KDM6A: variants seen among roughly 807,000 people sequenced by gnomAD.
The protein encoded by KDM6A is lysine demethylase 6A.
KDM6A carries 11 observed loss-of-function variants against 117.6 expected under a neutral mutation model. The ratio of observed to expected loss-of-function variants is 0.09; its 90% CI spans 0.06 to 0.15. The LOEUF (loss-of-function observed/expected upper bound fraction) is 0.15, where lower values mean the gene tolerates loss of function less well. Among genes scored for constraint, KDM6A ranks in the 10% least tolerant of loss-of-function variants. The pLI, the probability that KDM6A is intolerant of heterozygous loss-of-function variation, is 1.00. For missense variants in KDM6A, 799 were observed against 1,077.3 expected (o/e 0.74, Z 3.62); for synonymous variants, 384 against 396.1 (o/e 0.97, Z 0.36).
At chrX:45,062,040 C>T (rs925250999) in intron 15 of KDM6A, among the ~76,000 whole-genome samples, 5 of 110,150 alleles carry the variant, frequency 4.5e-5, no homozygotes, top group African/African-American at 1.3e-4. Flanking sequence ...TCCTATCTAT[C>T]ATTCCAGAGG....
At position 45,087,269 on chromosome X, in the gene KDM6A, G is replaced by A. The variant is rs1286202958; in HGVS notation, c.3704+1290G>A. 4.4e-5 allele frequency among the ~76,000 whole-genome samples: 5 copies of A among 113,274 alleles called. No homozygotes were observed. In the East Asian group the frequency reaches 1.1e-3, roughly 25 times the overall value. On this transcript the variant is annotated intron_variant, in intron 25 of 29. Transcript: ENST00000611820. ...TTCCCAAAGTGCTGGGATTACAGGC[G>A]TGAGCCACCACGCCCAGCCCCATAC...
chrX:44,882,591 C>A (rs1007651621), intron 2 of KDM6A, among the ~76,000 whole-genome samples: 1 of 112,294 alleles, frequency 8.9e-6, no homozygotes, highest in Admixed American at 9.5e-5. Context: ...TAATATGTGA[C>A]ACAAGAGGTA....
Position 44,963,189 on chromosome X carries a change from C to T in KDM6A, c.334+1797C>T, listed in dbSNP as rs746119843. Among the ~76,000 whole-genome samples, 5 of 110,988 alleles carry T rather than the reference C, an allele frequency of 4.5e-5. No homozygotes were observed. In the East Asian group the frequency reaches 1.4e-3, roughly 31 times the overall value. Reference sequence around the variant, plus strand: ...TCAAGAAACTCCTTTTGGCCAGGCACGGTGGCTCACGCCTGTGATTCCAGC... The same window carrying T: ...TCAAGAAACTCCTTTTGGCCAGGCATGGTGGCTCACGCCTGTGATTCCAGC... On this transcript the variant is annotated intron_variant, in intron 3 of 29. Transcript: ENST00000611820.
chrX:45,031,530 T>G (rs1342851163), intron 6 of KDM6A, among the ~76,000 whole-genome samples: 1 of 112,242 alleles, frequency 8.9e-6, no homozygotes, highest in East Asian at 2.8e-4. Flanking sequence ...ATAGCTTGCA[T>G]AAGTTTTTTT....
At chrX:45,107,334 C>A (rs1001004480) in intron 27 of KDM6A, 76 bp from the exon 28 acceptor site, 1 of 985,038 alleles carries the variant, frequency 1.0e-6, no homozygotes. Context: ...GGCATTATTT[C>A]TAGTTGGTAT....
At chrX:45,060,582 T>C in intron 13 of KDM6A, 27 bp from the exon 14 acceptor site, 1 of 1,024,920 alleles carries the variant, frequency 9.8e-7, no homozygotes, top group Non-Finnish European at 1.3e-6. Context: ...TAGAACCCTA[T>C]TTTTGTCTTC....
chrX:44,993,542 C>T (rs976981103), intron 4 of KDM6A, among the ~76,000 whole-genome samples: 1 of 110,631 alleles, frequency 9.0e-6, no homozygotes, highest in African/African-American at 3.3e-5. Flanking sequence ...CCTAGTTTTC[C>T]TGGATAGTTT....
chrX:45,065,163 G>A (rs1473523783), intron 17 of KDM6A, among the ~76,000 whole-genome samples: 1 of 111,776 alleles, frequency 8.9e-6, no homozygotes, highest in Non-Finnish European at 1.9e-5. Context: ...AGAGTTACAG[G>A]AGTGAGCCTT....
chrX:44,984,408 T>G (rs1448155532), intron 4 of KDM6A, among the ~76,000 whole-genome samples: 5 of 111,351 alleles, frequency 4.5e-5, no homozygotes, highest in African/African-American at 1.6e-4. Context: ...AGAAGCTCTT[T>G]AGTTTAATTA....
chrX:44,965,999 G>A (rs1357262480), intron 3 of KDM6A, among the ~76,000 whole-genome samples: 3 of 111,485 alleles, frequency 2.7e-5, no homozygotes, highest in African/African-American at 9.8e-5. Flanking sequence ...TGTAAAGAGA[G>A]ACCTAGACTT....
intron 2 of KDM6A, among the ~76,000 whole-genome samples, chrX:44,955,829 A>T (rs189537620): frequency 9.0e-6 from 1 of 111,357 alleles, no homozygotes; most frequent in African/African-American, 3.3e-5. Flanking sequence ...TTTTTATTGT[A>T]TAAATTTTAC....
intron 3 of KDM6A, among the ~76,000 whole-genome samples, chrX:44,969,860 C>T (rs1354676128): frequency 8.9e-6 from 1 of 112,318 alleles, no homozygotes; most frequent in Non-Finnish European, 1.9e-5. Context: ...TTTCTGTAAT[C>T]ATTCTAAAAC....
At position 45,062,585 on chromosome X, in the gene KDM6A, G is replaced by T. The variant is rs1256119850; in HGVS notation, c.1582-62G>T. On this transcript the variant is annotated intron_variant, in intron 15 of 29. Coordinates refer to ENST00000611820, the MANE Select transcript of KDM6A (RefSeq NM_001291415.2). ...AGTCATTTCAGGGAAAGGTTGCTTAGAATAATGATCTTATTTCCTAAATAT... is the reference window on the plus strand; with the variant it reads ...AGTCATTTCAGGGAAAGGTTGCTTATAATAATGATCTTATTTCCTAAATAT... The T allele has an allele frequency of 4.6e-6, 4 of 876,820 alleles. No homozygotes were observed. In the East Asian group the frequency reaches 1.3e-4, roughly 28 times the overall value. 72.3% of individuals were successfully genotyped at this position (876,820 alleles called of 1,213,427 possible).
chrX:45,086,425 A>G (rs183899217), intron 25 of KDM6A, among the ~76,000 whole-genome samples: 4 of 111,630 alleles, frequency 3.6e-5, no homozygotes, highest in East Asian at 2.8e-4. Context: ...TAAACTGACA[A>G]CTTTTTCTAT....
intron 4 of KDM6A, among the ~76,000 whole-genome samples, chrX:44,983,534 G>C (rs2040017056): frequency 1.8e-5 from 2 of 108,570 alleles, no homozygotes; most frequent in Non-Finnish European, 3.8e-5. Context: ...TTTAACATTA[G>C]GTATATCTCC....
At chrX:44,875,457 C>CT (rs1311452580) in intron 2 of KDM6A, among the ~76,000 whole-genome samples, 1 of 111,272 alleles carries the variant, frequency 9.0e-6, no homozygotes, top group Non-Finnish European at 1.9e-5. Context: ...TAAACTTTGA[C>CT]TACGTAGGTA....
chrX:45,105,283 A>G (rs765787347), intron 27 of KDM6A, among the ~76,000 whole-genome samples: 2 of 111,995 alleles, frequency 1.8e-5, no homozygotes, highest in South Asian at 3.7e-4. Flanking sequence ...CTTTTTCCCC[A>G]TTTGCAAGAT....
chrX:44,983,044 CCTAA>C (rs1290857102), intron 4 of KDM6A, among the ~76,000 whole-genome samples: 1 of 111,392 alleles, frequency 9.0e-6, no homozygotes, highest in Non-Finnish European at 1.9e-5. Context: ...TTTTTAAAAG[CCTAA>C]CTTTTTTGCT....
chrX:45,021,610 C>A, intron 6 of KDM6A, among the ~76,000 whole-genome samples: 1 of 111,634 alleles, frequency 9.0e-6, no homozygotes, highest in Non-Finnish European at 1.9e-5. Context: ...AAAAACTGTA[C>A]TCAAGAGTGT....
Sources: allele counts gnomAD v4.1 joint callset (sites outside exome capture counted in the v4.1 genomes callset), GRCh38; gene constraint gnomAD v4.1.1; transcripts MANE v1.5; gene names NCBI Gene and HGNC (gene_info 2026-07-23, HGNC 2026-07-21).